MBD4: variants seen among roughly 807,000 people sequenced by gnomAD.
MBD4 encodes the protein methyl-CpG binding domain 4, DNA glycosylase.
A neutral mutation model predicts 60.2 loss-of-function variants in MBD4; 53 were observed. That is an observed-to-expected ratio of 0.88 (90% CI 0.71 to 1.11). MBD4 has a LOEUF of 1.11. MBD4 is among the 50% of genes least tolerant of loss of function. The pLI is 0.00. For missense variants in MBD4, 619 were observed against 674.0 expected (o/e 0.92, Z 0.90); for synonymous variants, 231 against 229.8 (o/e 1.01, Z -0.05).
In MBD4 at chr3:129,431,146, G is replaced by A. The variant is rs1433826720; in HGVS notation, c.*355C>T. The A allele has an allele frequency of 3.0e-4, 80 of 266,714 alleles. 1 individual carries two copies. The highest frequency in any genetic ancestry group is 1.2e-4 in the Non-Finnish European group (16 of 137,110). 16.5% of individuals were successfully genotyped at this position (266,714 alleles called of 1,614,324 possible). A position where few individuals can be genotyped will look rare whatever the true frequency, so the allele number is the denominator to read the frequency against. On this transcript the variant is annotated 3_prime_UTR_variant, in exon 8 of 8. Coordinates refer to ENST00000429544, the MANE Select transcript of MBD4 (RefSeq NM_001276270.2). ...CAGGCATGCACCACCACGCCTAGCCGATAAAAATATTTAGTGGGCCCCTAG... is the reference window on the plus strand; with the variant it reads ...CAGGCATGCACCACCACGCCTAGCCAATAAAAATATTTAGTGGGCCCCTAG...
At chr3:129,433,765 T>A in intron 5 of MBD4, 85 bp downstream of exon 5, 1 of 1,552,094 alleles carries the variant, frequency 6.4e-7, no homozygotes, top group South Asian at 1.1e-5. Flanking sequence ...ACACTCAAAA[T>A]GGACTTTGAA....
In MBD4 at chr3:129,433,022, C is replaced by T. The variant is rs1210358383; in HGVS notation, c.1543+76G>A. Reference sequence around the variant, plus strand: ...CCTCCATTAATATAGTATCTGAGAACATTAAAGTTTAAGGTGTGGCTCTCT... The same window carrying T: ...CCTCCATTAATATAGTATCTGAGAATATTAAAGTTTAAGGTGTGGCTCTCT... On this transcript the variant is annotated intron_variant, in intron 6 of 7. Transcript: ENST00000429544. 4.5e-6 allele frequency: 7 copies of T among 1,566,608 alleles called. No individual in the cohort carries two copies. The African/African-American group carries it at 8.2e-5, about 18-fold the overall frequency.
At position 129,437,812 on chromosome 3, in the gene MBD4, T is replaced by C; in HGVS notation, c.243A>G (p.Glu81=). 6.2e-7 allele frequency: 1 copy of C among 1,614,050 alleles called. No homozygotes were observed. The highest frequency in any genetic ancestry group is 8.5e-7 in the Non-Finnish European group (1 of 1,179,888). Residue 81 remains glutamate (E), a synonymous_variant, in exon 2 of 8, where the codon GAA becomes GAG. Transcript: ENST00000429544. ...SAQFGATAGT[E]CRKSVPCGWE... is the part of the protein sequence containing the mutation. ...ATCCACATGGGACAGACTTACGGCATTCTGTTCCTGCAGTAGCACCAAACT... is the reference window on the plus strand; with the variant it reads ...ATCCACATGGGACAGACTTACGGCACTCTGTTCCTGCAGTAGCACCAAACT...
chr3:129,431,047 T>C lies in MBD4; in HGVS notation c.*454A>G, dbSNP rs2307287. 0.026 allele frequency: 4,636 copies of C among 178,872 alleles called. 213 individuals are homozygous for C. Among genetic ancestry groups the C allele is most frequent in the African/African-American group, 0.1 (4,315 of 41,654 alleles). The allele number at this position is 178,872 out of a possible 1,614,324, so 11.1% of individuals were successfully genotyped here. A position where few individuals can be genotyped will look rare whatever the true frequency, so the allele number is the denominator to read the frequency against. On this transcript the variant is annotated 3_prime_UTR_variant, in exon 8 of 8. Coordinates refer to ENST00000429544, the MANE Select transcript of MBD4 (RefSeq NM_001276270.2). ...AGACTGGAGTGCAGTGGCATGATCA[T>C]GGCTCACTGAAGCCTTGACCTCCTG...
At chr3:129,432,208 C>T in intron 7 of MBD4, 1 of 1,408,086 alleles carries the variant, frequency 7.1e-7, no homozygotes. Context: ...GGAGGAAAAC[C>T]ACGTCAGGCT....
At chr3:129,435,368 T>C (rs1352808303) in intron 3 of MBD4, among the ~76,000 whole-genome samples, 1 of 152,230 alleles carries the variant, frequency 6.6e-6, no homozygotes, top group African/African-American at 2.4e-5. Flanking sequence ...GTGTCTTCAC[T>C]ATTTCATGGA....
chr3:129,434,250 G>A, intron 3 of MBD4, 114 bp from the exon 4 acceptor site: 1 of 839,850 alleles, frequency 1.2e-6, no homozygotes, highest in Non-Finnish European at 2.0e-6. Flanking sequence ...ACTATTCTAA[G>A]CCCTTTACAT....
At chr3:129,432,286 C>CA in intron 7 of MBD4, 1 of 1,472,550 alleles carries the variant, frequency 6.8e-7, no homozygotes, top group Non-Finnish European at 9.0e-7. Context: ...GGAGATGAGT[C>CA]AGAGGCCACG....
chr3:129,434,374 C>A (rs772578846), intron 3 of MBD4, among the ~76,000 whole-genome samples: 2 of 152,206 alleles, frequency 1.3e-5, no homozygotes, highest in Non-Finnish European at 2.9e-5. Context: ...CAAGATCACA[C>A]AGATACTAAG....
chr3:129,431,514 A>T lies in MBD4; in HGVS notation c.1712T>A (p.Leu571Ter), dbSNP rs2072342810. ...HDWLWENHEK[L>*]SLS ...AAGCTGCAGAGTTTAAGATAGACTT[A>T]ATTTTTCATGATTTTCCCAAAGCCA... The change falls in exon 8 of 8, where the codon TTA becomes TAA. Residue 571 changes from leucine to a stop codon, truncating the protein, a stop_gained. Coordinates refer to ENST00000429544, the MANE Select transcript of MBD4 (RefSeq NM_001276270.2). LOFTEE classifies it high-confidence loss of function. 3 of 1,613,112 alleles carry T rather than the reference A, an allele frequency of 1.9e-6. No homozygotes were observed. The highest frequency in any genetic ancestry group is 1.3e-5 in the African/African-American group (1 of 75,024).
chr3:129,431,761 A>G (rs1378214665), intron 7 of MBD4, among the ~76,000 whole-genome samples, 183 bp from the exon 8 acceptor site: 1 of 152,252 alleles, frequency 6.6e-6, no homozygotes, highest in Non-Finnish European at 1.5e-5. Flanking sequence ...ATATTAAGGT[A>G]ATCTCACACA....
At chr3:129,433,075 C>T in intron 6 of MBD4, 23 bp downstream of exon 6, 1 of 1,613,528 alleles carries the variant, frequency 6.2e-7, no homozygotes, top group Non-Finnish European at 8.5e-7. Context: ...TTATGTTTTT[C>T]CTTTGGGTGT....
chr3:129,431,290 ATAATT>A lies in MBD4; in HGVS notation c.*206_*210del. ...ATTTTTTTTGGATTGTTGTCAAATA[ATAATT>A]TATTTTAAAAAAATCTCAAAACATG... On this transcript the variant is annotated 3_prime_UTR_variant, in exon 8 of 8. Transcript: ENST00000429544. 1.9e-6 allele frequency: 1 copy of A among 526,452 alleles called. No homozygotes were observed. The highest frequency in any genetic ancestry group is 3.4e-6 in the Non-Finnish European group (1 of 296,942). 32.6% of individuals were successfully genotyped at this position (526,452 alleles called of 1,614,324 possible).
chr3:129,434,442 A>G (rs534285136), intron 3 of MBD4, among the ~76,000 whole-genome samples: 34 of 152,048 alleles, frequency 2.2e-4, no homozygotes, highest in African/African-American at 8.0e-4. Flanking sequence ...ACCTTTAACC[A>G]CTCTGTGACA....
rs766496861 is a variant in MBD4 at position 129,437,773 on chromosome 3, C to T, written c.282G>A (p.Val94=). 42 of 1,614,064 alleles carry T rather than the reference C, an allele frequency of 2.6e-5. No homozygotes were observed. The highest frequency in any genetic ancestry group is 1.6e-4 in the Middle Eastern group (1 of 6,084). Residue 94 remains valine, a synonymous_variant, in exon 2 of 8, where the codon GTG becomes GTA. Transcript: ENST00000429544. ...CTGTCTTCCCAAATAACCTTTGCTTCACAACTCTTTCCCATCCACATGGGA... is the reference window on the plus strand; with the variant it reads ...CTGTCTTCCCAAATAACCTTTGCTTTACAACTCTTTCCCATCCACATGGGA... ...KSVPCGWERV[V]KQRLFGKTAG... is the part of the protein sequence containing the mutation.
chr3:129,432,724 A>G, intron 6 of MBD4, 118 bp from the exon 7 acceptor site: 1 of 954,424 alleles, frequency 1.0e-6, no homozygotes, highest in Non-Finnish European at 1.7e-6. Flanking sequence ...GCTCTTTCCC[A>G]GCAACCCCAG....
chr3:129,436,508 C>A lies in MBD4; in HGVS notation c.1136G>T (p.Gly379Val), dbSNP rs766581428. 43 of 1,613,950 alleles carry A rather than the reference C, an allele frequency of 2.7e-5. 1 individual carries two copies. The South Asian group carries it at 4.3e-4, about 16-fold the overall frequency. ...EHLHTDILKR[G>V]SEMDNNCSPT... The stretch of plus-strand genomic sequence containing the variant: ...TGAGCAGTTGTTGTCCATTTCAGAG[C>A]CACGTTTTAAAATGTCAGTATGCAA... Residue 379 changes from glycine to valine, a missense_variant, in exon 3 of 8, where the codon GGC (glycine) becomes GTC (valine). Gly to Val is a moderately radical substitution (Grantham distance 109). Transcript: ENST00000429544.
rs1411484579 is a variant in MBD4 at position 129,439,885 on chromosome 3, T to C, written c.-52A>G. 7.9e-7 allele frequency: 1 copy of C among 1,265,276 alleles called. No individual in the cohort carries two copies. Among genetic ancestry groups the C allele is most frequent in the Non-Finnish European group, 1.2e-6 (1 of 869,442 alleles). The allele number at this position is 1,265,276 out of a possible 1,614,324, so 78.4% of individuals were successfully genotyped here. ...GCCCAGCGCCGCAACGCCCAGGGTGTGGGGCGGAGTAAGATGTGAAACCTC... is the reference window on the plus strand; with the variant it reads ...GCCCAGCGCCGCAACGCCCAGGGTGCGGGGCGGAGTAAGATGTGAAACCTC... On this transcript the variant is annotated 5_prime_UTR_variant, in exon 1 of 8. Coordinates refer to ENST00000429544, the MANE Select transcript of MBD4 (RefSeq NM_001276270.2).
Position 129,439,841 on chromosome 3 carries a change from G to A in MBD4, c.-8C>T. 6.2e-7 allele frequency: 1 copy of A among 1,604,092 alleles called. No homozygotes were observed. Among genetic ancestry groups the A allele is most frequent in the East Asian group, 2.2e-5 (1 of 44,744 alleles). ...CAGCCCAGTCGTGCCCATCGAGCAG[G>A]GTCCGGCTGCAGCAACGAGCCCAGC... On this transcript the variant is annotated 5_prime_UTR_variant, in exon 1 of 8. Coordinates refer to ENST00000429544, the MANE Select transcript of MBD4 (RefSeq NM_001276270.2).
Sources: allele counts gnomAD v4.1 joint callset (sites outside exome capture counted in the v4.1 genomes callset), GRCh38; gene constraint gnomAD v4.1.1; transcripts MANE v1.5; gene names NCBI Gene and HGNC (gene_info 2026-07-23, HGNC 2026-07-21).